TWIST2: variants seen among roughly 807,000 people sequenced by gnomAD.
TWIST2 encodes twist family bHLH transcription factor 2.
Under a neutral mutation model 11.6 loss-of-function variants are expected in TWIST2, and 1 was observed. The observed-to-expected ratio is 0.09, with a 90% CI of 0.03 to 0.41. The LOEUF is 0.41. TWIST2 is among the 10% of genes least tolerant of loss of function. The pLI is 0.98. For missense variants in TWIST2, 168 were observed against 226.4 expected (o/e 0.74, Z 1.66); for synonymous variants, 87 against 96.6 (o/e 0.90, Z 0.58).
intron 1 of TWIST2, among the ~76,000 whole-genome samples, chr2:238,887,573 C>T (rs1476632046): frequency 6.6e-6 from 1 of 152,210 alleles, no homozygotes; most frequent in Non-Finnish European, 1.5e-5. Flanking sequence ...TCTGGAAAGT[C>T]GACTCTCTCC....
At chr2:238,905,474 C>G (rs1456131036) in intron 1 of TWIST2, among the ~76,000 whole-genome samples, 1 of 152,168 alleles carries the variant, frequency 6.6e-6, no homozygotes, top group Non-Finnish European at 1.5e-5. Flanking sequence ...GGGGGCCAGG[C>G]CCGGAGGCTC....
intron 1 of TWIST2, among the ~76,000 whole-genome samples, chr2:238,858,517 T>TG (rs1441017303): frequency 6.6e-6 from 1 of 152,176 alleles, no homozygotes; most frequent in African/African-American, 2.4e-5. Context: ...GTCTTGTGTC[T>TG]GGGGGATCCA....
At chr2:238,890,523 T>A (rs1468573471) in intron 1 of TWIST2, among the ~76,000 whole-genome samples, 1 of 152,202 alleles carries the variant, frequency 6.6e-6, no homozygotes, top group African/African-American at 2.4e-5. Flanking sequence ...TGACCAGAAA[T>A]GTGTGTGCAT....
intron 1 of TWIST2, among the ~76,000 whole-genome samples, chr2:238,860,192 T>C (rs1182728557): frequency 6.6e-6 from 1 of 152,174 alleles, no homozygotes; most frequent in Non-Finnish European, 1.5e-5. Context: ...TCCAGAGTCA[T>C]GGGATTCCTG....
chr2:238,884,483 A>G (rs1574762532), intron 1 of TWIST2, among the ~76,000 whole-genome samples: 2 of 152,130 alleles, frequency 1.3e-5, no homozygotes, highest in South Asian at 2.1e-4. Context: ...TGGCCATGCC[A>G]TAGAAGTACA....
chr2:238,850,565 G>A (rs952643422), intron 1 of TWIST2, among the ~76,000 whole-genome samples: 2 of 152,150 alleles, frequency 1.3e-5, no homozygotes, highest in African/African-American at 4.8e-5. Context: ...ATATGATGCT[G>A]CTAGAATTTA....
At chr2:238,859,404 G>T (rs377622386) in intron 1 of TWIST2, among the ~76,000 whole-genome samples, 4 of 151,976 alleles carry the variant, frequency 2.6e-5, no homozygotes, top group Non-Finnish European at 4.4e-5. Context: ...GGGAGGGGGT[G>T]TCGGGGGTGA....
chr2:238,885,212 G>A (rs538083912), intron 1 of TWIST2, among the ~76,000 whole-genome samples: 1 of 152,152 alleles, frequency 6.6e-6, no homozygotes, highest in African/African-American at 2.4e-5. Context: ...CCTGATTCCC[G>A]CCCTGCCTCG....
At chr2:238,874,839 C>T (rs1259887831) in intron 1 of TWIST2, among the ~76,000 whole-genome samples, 2 of 152,138 alleles carry the variant, frequency 1.3e-5, no homozygotes, top group Non-Finnish European at 2.9e-5. Context: ...CCCCAGGGTA[C>T]TTGATTTGTC....
chr2:238,868,127 T>A (rs1004546988), intron 1 of TWIST2, among the ~76,000 whole-genome samples: 4 of 152,206 alleles, frequency 2.6e-5, no homozygotes, highest in Non-Finnish European at 4.4e-5. Context: ...GTGGCATCCC[T>A]CACACATCAG....
chr2:238,898,182 G>A (rs1161769460), intron 1 of TWIST2, among the ~76,000 whole-genome samples: 1 of 152,248 alleles, frequency 6.6e-6, no homozygotes, highest in Non-Finnish European at 1.5e-5. Context: ...CATCTTGCCT[G>A]TAACCAGCTG....
chr2:238,898,951 A>G (rs36191898), intron 1 of TWIST2, among the ~76,000 whole-genome samples: 73,000 of 151,982 alleles, frequency 0.48, 17,740 homozygotes, highest in Middle Eastern at 0.61. Flanking sequence ...TGGTGATTGG[A>G]CAATGTGACC....
chr2:238,863,188 C>T lies in TWIST2; in HGVS notation c.*35+14455C>T, dbSNP rs1245332291. 2.6e-5 allele frequency among the ~76,000 whole-genome samples: 4 copies of T among 152,136 alleles called. No homozygotes were observed. In the East Asian group the frequency reaches 7.7e-4, roughly 29 times the overall value. On this transcript the variant is annotated intron_variant, in intron 1 of 1. Coordinates refer to ENST00000612363, the MANE Select transcript of TWIST2 (RefSeq NM_001271893.4). This position sits in a 1 kb window ranked among gnomAD's most constrained non-coding sequence, Gnocchi z 4.7. Reference sequence around the variant, plus strand: ...CCCTCCCTCCAGAGAAGGGCAACTACTCCCAGTCCCATCATAAGGTGGTGC... The same window carrying T: ...CCCTCCCTCCAGAGAAGGGCAACTATTCCCAGTCCCATCATAAGGTGGTGC...
At chr2:238,873,179 T>C (rs1457105766) in intron 1 of TWIST2, among the ~76,000 whole-genome samples, 4 of 152,188 alleles carry the variant, frequency 2.6e-5, no homozygotes, top group African/African-American at 2.4e-5. Context: ...TTGGTGGATC[T>C]GTCGTTCAAT....
chr2:238,884,792 C>T (rs1212759500), intron 1 of TWIST2, among the ~76,000 whole-genome samples: 3 of 152,352 alleles, frequency 2.0e-5, no homozygotes, highest in Middle Eastern at 3.4e-3. Flanking sequence ...GGGAGCCTTC[C>T]GGAAGCATGG....
At chr2:238,889,663 A>C (rs546532714) in intron 1 of TWIST2, among the ~76,000 whole-genome samples, 2 of 152,232 alleles carry the variant, frequency 1.3e-5, no homozygotes, top group Admixed American at 1.3e-4. Context: ...TCTAAGCTGC[A>C]GTGAATAGTC....
chr2:238,881,466 T>A (rs1305365087), intron 1 of TWIST2, among the ~76,000 whole-genome samples: 1 of 151,756 alleles, frequency 6.6e-6, no homozygotes, highest in East Asian at 1.9e-4. Flanking sequence ...TTAGTGTGAG[T>A]ATTAGTGTTA....
intron 1 of TWIST2, among the ~76,000 whole-genome samples, chr2:238,889,446 TA>T (rs1185449480): frequency 1.3e-5 from 2 of 152,200 alleles, no homozygotes; most frequent in Non-Finnish European, 1.5e-5. Flanking sequence ...ATAATATGTG[TA>T]TACCAGATAT....
chr2:238,879,385 A>G (rs1344430830), intron 1 of TWIST2, among the ~76,000 whole-genome samples: 2 of 152,166 alleles, frequency 1.3e-5, no homozygotes, highest in Non-Finnish European at 2.9e-5. Flanking sequence ...GATTATTAAT[A>G]GTGCCCCTTT....
Sources: allele counts gnomAD v4.1 joint callset (sites outside exome capture counted in the v4.1 genomes callset), GRCh38; gene constraint gnomAD v4.1.1; non-coding constraint Gnocchi (gnomAD v3.1); transcripts MANE v1.5; gene names NCBI Gene and HGNC (gene_info 2026-07-23, HGNC 2026-07-21).